Variants in ANKRD31 observed in about 807,000 individuals in gnomAD.
The protein encoded by ANKRD31 is ankyrin repeat domain-containing protein 31.
In ANKRD31, 147 loss-of-function variants were observed where a neutral mutation model predicts 186.0. That is an observed-to-expected ratio of 0.79 (90% CI 0.69 to 0.91). The LOEUF (loss-of-function observed/expected upper bound fraction) is 0.91, where lower values mean the gene tolerates loss of function less well. Among genes scored for constraint, ANKRD31 ranks in the 40% least tolerant of loss-of-function variants. The pLI is 0.00. For synonymous variants in ANKRD31, 673 were observed against 736.4 expected, an observed-to-expected ratio of 0.91 and a Z score of 1.39; for missense variants, 1,986 against 2,148.8, an observed-to-expected ratio of 0.92 and a Z score of 1.50.
rs1258460854 is a variant in ANKRD31 at position 75,193,323 on chromosome 5, G to C, written c.1286C>G (p.Ala429Gly). 7.2e-6 allele frequency: 11 copies of C among 1,536,028 alleles called. No homozygotes were observed. The highest frequency in any genetic ancestry group is 9.6e-6 in the Non-Finnish European group (11 of 1,146,426). The change falls in exon 8 of 26, where the codon GCT becomes GGT. Residue 429 changes from alanine (A) to glycine (G), a missense_variant. Coordinates refer to ENST00000506364, the MANE Select transcript of ANKRD31 (RefSeq NM_001372053.1). The part of the protein sequence containing the change: ...CEDLTNNNSS[A>G]QNFRMQDPAL... ...TTTCATTGCATACCTGAAATTCTGAGCTGAAGAGTTATTATTTGTTAGGTC... is the reference window on the plus strand; with the variant it reads ...TTTCATTGCATACCTGAAATTCTGACCTGAAGAGTTATTATTTGTTAGGTC...
In ANKRD31 at chr5:75,147,359, T is replaced by C. The variant is rs775861919; in HGVS notation, c.2052A>G (p.Lys684=). 6.5e-6 allele frequency: 10 copies of C among 1,532,434 alleles called. No homozygotes were observed. The African/African-American group carries it at 1.2e-4, about 19-fold the overall frequency. The allele number at this position is 1,532,434 out of a possible 1,614,324, so 94.9% of individuals were successfully genotyped here. Residue 684 remains lysine, a synonymous_variant, in exon 14 of 26, where the codon AAA becomes AAG. Transcript: ENST00000506364. The part of the protein sequence containing the change: ...NKEDVYEYYQ[K]DPKNTKFGKS... ...TACCAAATTTTGTGTTTTTGGGATC[T>C]TTTTGGTAATATTCATATACATCTT...
intron 10 of ANKRD31, among the ~76,000 whole-genome samples, chr5:75,183,884 A>G (rs1425946811): frequency 6.6e-6 from 1 of 152,124 alleles, no homozygotes; most frequent in Non-Finnish European, 1.5e-5. Context: ...TACCAATGAC[A>G]TTCATCACAG....
chr5:75,092,523 T>C (rs1408996463), intron 22 of ANKRD31, among the ~76,000 whole-genome samples: 1 of 152,134 alleles, frequency 6.6e-6, no homozygotes, highest in African/African-American at 2.4e-5. Flanking sequence ...GCCAAGGCTT[T>C]AGTCCCTGAG....
At chr5:75,106,921 T>C (rs923628076) in intron 21 of ANKRD31, among the ~76,000 whole-genome samples, 3 of 151,836 alleles carry the variant, frequency 2.0e-5, no homozygotes, top group African/African-American at 7.2e-5. Flanking sequence ...GAAGAATATA[T>C]AAGGACATGT....
chr5:75,209,427 A>G (rs908901368), intron 4 of ANKRD31, among the ~76,000 whole-genome samples: 2 of 152,212 alleles, frequency 1.3e-5, no homozygotes, highest in African/African-American at 4.8e-5. Context: ...CTGTAATCCC[A>G]GCACTTTGGG....
chr5:75,134,357 A>G (rs1452880254), intron 17 of ANKRD31, among the ~76,000 whole-genome samples: 1 of 152,236 alleles, frequency 6.6e-6, no homozygotes, highest in Non-Finnish European at 1.5e-5. Context: ...ACAGAAATAC[A>G]AACTACCATC....
At chr5:75,150,979 T>G (rs10054860) in intron 12 of ANKRD31, among the ~76,000 whole-genome samples, 28,720 of 151,848 alleles carry the variant, frequency 0.19, 3,051 homozygotes, top group South Asian at 0.39. Flanking sequence ...TGGAAGGAAG[T>G]TTTTTGCTCT....
intron 20 of ANKRD31, among the ~76,000 whole-genome samples, chr5:75,109,912 C>G (rs1747631569): frequency 6.6e-6 from 1 of 152,104 alleles, no homozygotes; most frequent in Admixed American, 6.5e-5. Flanking sequence ...GAAGTTCCAG[C>G]CTGATGGACC....
chr5:75,093,207 A>C (rs1287835444), intron 22 of ANKRD31, among the ~76,000 whole-genome samples: 1 of 152,202 alleles, frequency 6.6e-6, no homozygotes, highest in Non-Finnish European at 1.5e-5. Flanking sequence ...CTGGCCGGGC[A>C]CGGTGGCTCA....
intron 20 of ANKRD31, among the ~76,000 whole-genome samples, chr5:75,111,660 T>C (rs1332491277): frequency 6.6e-6 from 1 of 152,230 alleles, no homozygotes; most frequent in African/African-American, 2.4e-5. Context: ...TCTGAATTTA[T>C]CAGGAACTAC....
At chr5:75,222,544 A>G (rs1227142315) in intron 2 of ANKRD31, among the ~76,000 whole-genome samples, 186 bp from the exon 3 acceptor site, 2 of 151,464 alleles carry the variant, frequency 1.3e-5, no homozygotes, top group Non-Finnish European at 2.9e-5. Flanking sequence ...ACATAGGTAT[A>G]CGTGTGCCAT....
At chr5:75,107,650 G>T in intron 20 of ANKRD31, 33 bp from the exon 21 acceptor site, 1 of 1,340,860 alleles carries the variant, frequency 7.5e-7, no homozygotes, top group South Asian at 1.4e-5. Flanking sequence ...TTAGCTAACT[G>T]AGGGAGAGTG....
At chr5:75,134,692 C>T (rs553569943) in intron 17 of ANKRD31, among the ~76,000 whole-genome samples, 1 of 152,072 alleles carries the variant, frequency 6.6e-6, no homozygotes, top group Admixed American at 6.5e-5. Flanking sequence ...GATACCAAAG[C>T]CTGTTGTGTC....
At chr5:75,178,920 G>A (rs148528936) in intron 10 of ANKRD31, among the ~76,000 whole-genome samples, 27 of 151,760 alleles carry the variant, frequency 1.8e-4, no homozygotes, top group African/African-American at 6.5e-4. Context: ...CACAAAAAAC[G>A]CTTCAAAAAT....
chr5:75,170,410 T>C (rs2150191096), intron 10 of ANKRD31, among the ~76,000 whole-genome samples: 1 of 152,262 alleles, frequency 6.6e-6, no homozygotes, highest in East Asian at 1.9e-4. Context: ...AAATGTAAAT[T>C]GACTAATCAT....
At chr5:75,214,203 A>T (rs1161022505) in intron 3 of ANKRD31, among the ~76,000 whole-genome samples, 2 of 152,226 alleles carry the variant, frequency 1.3e-5, no homozygotes, top group Non-Finnish European at 2.9e-5. Context: ...ACTCACTAGG[A>T]TCTAAACACA....
chr5:75,132,154 A>G (rs1000845132), intron 17 of ANKRD31, among the ~76,000 whole-genome samples: 5 of 152,268 alleles, frequency 3.3e-5, no homozygotes, highest in African/African-American at 1.2e-4. Context: ...GCAAAGATGG[A>G]CAGAGAATGA....
chr5:75,227,600 C>T (rs575772667), intron 2 of ANKRD31, among the ~76,000 whole-genome samples: 15 of 152,140 alleles, frequency 9.9e-5, no homozygotes, highest in South Asian at 8.3e-4. Context: ...TACTTGACTC[C>T]GTAACTCCAT....
Position 75,068,538 on chromosome 5 carries a change from C to A in ANKRD31, c.5774G>T (p.Cys1925Phe). Reference sequence around the variant, plus strand: ...AAGGTTTTAGGGTGTTAGTTCCTCACATTCCACACAAAACTTCCAATGCTG... The same window carrying A: ...AAGGTTTTAGGGTGTTAGTTCCTCAAATTCCACACAAAACTTCCAATGCTG... Reference protein sequence around the residue: ...MDQHWKFCVECEELTP With the variant: ...MDQHWKFCVEFEELTP The change falls in exon 26 of 26, where the codon TGT becomes TTT. Residue 1925 changes from cysteine (C) to phenylalanine (F), a missense_variant. Cys to Phe is a radical substitution (Grantham distance 205). Coordinates refer to ENST00000506364, the MANE Select transcript of ANKRD31 (RefSeq NM_001372053.1). The A allele has an allele frequency of 6.6e-7, 1 of 1,516,568 alleles. No individual in the cohort carries two copies. Among genetic ancestry groups the A allele is most frequent in the Non-Finnish European group, 8.8e-7 (1 of 1,138,418 alleles). The allele number at this position is 1,516,568 out of a possible 1,614,324, so 93.9% of individuals were successfully genotyped here.
Sources: allele counts gnomAD v4.1 joint callset (sites outside exome capture counted in the v4.1 genomes callset), GRCh38; gene constraint gnomAD v4.1.1; transcripts MANE v1.5; gene names NCBI Gene and HGNC (gene_info 2026-07-23, HGNC 2026-07-21).